The following LRRC20 variants were observed in gnomAD, a reference collection of about 807,000 sequenced individuals.
The protein encoded by LRRC20 is leucine rich repeat containing 20.
LRRC20 carries 11 observed loss-of-function variants against 14.4 expected under a neutral mutation model. The ratio of observed to expected loss-of-function variants is 0.77; its 90% CI spans 0.48 to 1.27. The LOEUF (loss-of-function observed/expected upper bound fraction) is 1.27. Among genes scored for constraint, LRRC20 ranks in the 50% most tolerant of loss-of-function variants. LRRC20 has a pLI of 0.00. For missense variants in LRRC20, 219 were observed against 251.2 expected, an observed-to-expected ratio of 0.87 and a Z score of 0.87; for synonymous variants, 121 against 107.3, an observed-to-expected ratio of 1.13 and a Z score of -0.79.
At chr10:70,375,881 T>C (rs1844490328) in intron 2 of LRRC20, among the ~76,000 whole-genome samples, 1 of 152,138 alleles carries the variant, frequency 6.6e-6, no homozygotes, top group Admixed American at 6.5e-5. Flanking sequence ...GCCTAAATGC[T>C]TAGGAGTCTT....
At chr10:70,322,399 G>A (rs929916856) in intron 4 of LRRC20, among the ~76,000 whole-genome samples, 5 of 152,194 alleles carry the variant, frequency 3.3e-5, no homozygotes, top group Admixed American at 1.3e-4. Flanking sequence ...GACGGGAGAC[G>A]AAGGACCCAG....
In LRRC20 at chr10:70,301,178, C is replaced by T. The variant is rs1841163409; in HGVS notation, c.*176G>A. The T allele has an allele frequency of 4.3e-6, 6 of 1,396,494 alleles. No homozygotes were observed. The South Asian group carries it at 8.2e-5, about 19-fold the overall frequency. 86.5% of individuals were successfully genotyped at this position (1,396,494 alleles called of 1,614,324 possible). A position where few individuals can be genotyped will look rare whatever the true frequency, so the allele number is the denominator to read the frequency against. Reference sequence around the variant, plus strand: ...ACCTTGCCTCTTCCCTTGGGCATTCCAGAGCCCACTACTGCTGTAAGCTAT... The same window carrying T: ...ACCTTGCCTCTTCCCTTGGGCATTCTAGAGCCCACTACTGCTGTAAGCTAT... On this transcript the variant is annotated 3_prime_UTR_variant, in exon 5 of 5. Coordinates refer to ENST00000446961, the MANE Select transcript of LRRC20 (RefSeq NM_001278212.2).
chr10:70,366,626 T>C (rs542992098), intron 2 of LRRC20, among the ~76,000 whole-genome samples: 20 of 152,094 alleles, frequency 1.3e-4, no homozygotes, highest in Admixed American at 3.3e-4. Context: ...TGTGAAGCAA[T>C]TGGAGCTCTC....
chr10:70,360,040 C>T (rs1843667017), intron 2 of LRRC20, among the ~76,000 whole-genome samples: 3 of 151,616 alleles, frequency 2.0e-5, no homozygotes, highest in Admixed American at 1.3e-4. Flanking sequence ...CTCAGCCTCC[C>T]GAGTAGCTGG....
intron 4 of LRRC20, among the ~76,000 whole-genome samples, chr10:70,309,529 G>A (rs1841564468): frequency 6.6e-6 from 1 of 152,230 alleles, no homozygotes; most frequent in Admixed American, 6.5e-5. Context: ...ACAATGACAG[G>A]CAAGTTTCAC....
At chr10:70,310,430 C>T (rs918899523) in intron 4 of LRRC20, among the ~76,000 whole-genome samples, 7 of 152,180 alleles carry the variant, frequency 4.6e-5, no homozygotes, top group Admixed American at 2.6e-4. Context: ...GCCATGCTCC[C>T]ATCACCACTC....
chr10:70,365,441 C>A (rs1019819034), intron 2 of LRRC20, among the ~76,000 whole-genome samples: 23 of 152,210 alleles, frequency 1.5e-4, no homozygotes, highest in African/African-American at 5.3e-4. Flanking sequence ...AGGAGAAAAT[C>A]TTCTTGACCT....
At chr10:70,348,179 A>G (rs10999284) in intron 2 of LRRC20, among the ~76,000 whole-genome samples, 17,570 of 152,064 alleles carry the variant, frequency 0.12, 1,835 homozygotes, top group African/African-American at 0.28. Flanking sequence ...GGCTGCCACC[A>G]ACGTCAAAGG....
intron 3 of LRRC20, among the ~76,000 whole-genome samples, chr10:70,333,374 A>G (rs961554765): frequency 6.6e-6 from 1 of 152,186 alleles, no homozygotes; most frequent in Non-Finnish European, 1.5e-5. Context: ...TGCAGCAGCA[A>G]TCCATCTCCA....
chr10:70,354,498 T>C (rs1397976206), intron 2 of LRRC20, among the ~76,000 whole-genome samples: 1 of 152,152 alleles, frequency 6.6e-6, no homozygotes, highest in Admixed American at 6.5e-5. Flanking sequence ...GAAAGGCACA[T>C]TCTCAGGCAC....
chr10:70,372,857 C>T (rs1255236389), intron 2 of LRRC20, among the ~76,000 whole-genome samples: 1 of 151,402 alleles, frequency 6.6e-6, no homozygotes, highest in Non-Finnish European at 1.5e-5. Flanking sequence ...AATCCCAGCA[C>T]TTTAGGAGGC....
At chr10:70,348,089 T>C (rs1050485669) in intron 2 of LRRC20, among the ~76,000 whole-genome samples, 1 of 152,148 alleles carries the variant, frequency 6.6e-6, no homozygotes, top group African/African-American at 2.4e-5. Flanking sequence ...GTTTTCTCCA[T>C]TATGTGACCC....
intron 2 of LRRC20, among the ~76,000 whole-genome samples, chr10:70,350,849 G>A (rs1589103576): frequency 1.3e-5 from 2 of 152,300 alleles, no homozygotes. Flanking sequence ...AGGGTTAGGA[G>A]ACCGGGGGTC....
intron 2 of LRRC20, among the ~76,000 whole-genome samples, chr10:70,367,754 G>C (rs1407203903): frequency 6.6e-6 from 1 of 151,974 alleles, no homozygotes; most frequent in Non-Finnish European, 1.5e-5. Flanking sequence ...GAGTCTTGTT[G>C]TGGTTGGTTA....
At position 70,343,899 on chromosome 10, in the gene LRRC20, T is replaced by C. The variant is rs1589093885; in HGVS notation, c.83-3197A>G. ...TCATCACCAGTATCCCTAAATAGCA[T>C]CATGAAAGTTCTTGCCAGGCCGGGC... On this transcript the variant is annotated intron_variant, in intron 2 of 4. Transcript: ENST00000446961. Among the ~76,000 whole-genome samples, 3 of 152,140 alleles carry C rather than the reference T, an allele frequency of 2.0e-5. No homozygotes were observed. In the East Asian group the frequency reaches 5.8e-4, roughly 29 times the overall value.
At position 70,364,402 on chromosome 10, in the gene LRRC20, C is replaced by G. The variant is rs139774105; in HGVS notation, c.82+12050G>C. On this transcript the variant is annotated intron_variant, in intron 2 of 4. Transcript: ENST00000446961. ...TGCATTGCCCTCCAGGCAGGGCACA[C>G]ACAGCAGCTGCTCAAAGTGTGTTTT... 1.5e-4 allele frequency among the ~76,000 whole-genome samples: 23 copies of G among 152,380 alleles called. 1 individual carries two copies. The East Asian group carries it at 3.7e-3, about 24-fold the overall frequency.
At chr10:70,374,079 C>T (rs904070434) in intron 2 of LRRC20, among the ~76,000 whole-genome samples, 4 of 152,186 alleles carry the variant, frequency 2.6e-5, no homozygotes, top group African/African-American at 4.8e-5. Flanking sequence ...TCCAGGCTCT[C>T]CGCCTGCCAG....
At chr10:70,357,761 A>T (rs1457129642) in intron 2 of LRRC20, among the ~76,000 whole-genome samples, 1 of 152,192 alleles carries the variant, frequency 6.6e-6, no homozygotes, top group Non-Finnish European at 1.5e-5. Flanking sequence ...ACACACAGTC[A>T]ACAATTTGAG....
chr10:70,331,825 G>A (rs1398775750), intron 3 of LRRC20, among the ~76,000 whole-genome samples: 1 of 152,134 alleles, frequency 6.6e-6, no homozygotes, highest in East Asian at 1.9e-4. Flanking sequence ...ACTGAACTGT[G>A]GTTTCCGGTG....
Sources: gnomAD v4.1 joint callset for allele counts (sites outside exome capture counted in the v4.1 genomes callset) on GRCh38, gnomAD v4.1.1 for gene constraint, MANE v1.5 for transcripts, NCBI Gene and HGNC (gene_info 2026-07-23, HGNC 2026-07-21) for gene names.